Variants in ADAMTS16 observed in about 807,000 individuals in gnomAD.
ADAMTS16 encodes A disintegrin and metalloproteinase with thrombospondin motifs 16.
A neutral mutation model predicts 145.8 loss-of-function variants in ADAMTS16; 94 were observed. The ratio of observed to expected loss-of-function variants is 0.64; its 90% CI spans 0.55 to 0.77. ADAMTS16 has a LOEUF of 0.77. Among genes scored for constraint, ADAMTS16 ranks in the 30% least tolerant of loss-of-function variants. ADAMTS16 has a pLI of 0.00. For synonymous variants in ADAMTS16, 659 were observed against 604.3 expected, an observed-to-expected ratio of 1.09 and a Z score of -1.33; for missense variants, 1,585 against 1,591.5, an observed-to-expected ratio of 1.00 and a Z score of 0.07.
chr5:5,295,092 T>C (rs558128567), intron 18 of ADAMTS16, among the ~76,000 whole-genome samples: 219 of 152,380 alleles, frequency 1.4e-3, no homozygotes, highest in Middle Eastern at 6.8e-3. Flanking sequence ...CTTTTAATTA[T>C]GGCCCAAGCA....
At chr5:5,214,460 T>C (rs750867796) in intron 10 of ADAMTS16, among the ~76,000 whole-genome samples, 5 of 152,174 alleles carry the variant, frequency 3.3e-5, no homozygotes, top group Non-Finnish European at 5.9e-5. Flanking sequence ...GGTTGGAGTG[T>C]AGTAGCACCA....
chr5:5,191,153 C>T (rs1405248577), intron 7 of ADAMTS16, among the ~76,000 whole-genome samples: 2 of 152,182 alleles, frequency 1.3e-5, no homozygotes, highest in Non-Finnish European at 2.9e-5. Context: ...CCGACTTCTG[C>T]CCATGTGTTT....
At chr5:5,266,696 T>C (rs775666990) in intron 18 of ADAMTS16, among the ~76,000 whole-genome samples, 2 of 152,178 alleles carry the variant, frequency 1.3e-5, no homozygotes, top group Non-Finnish European at 2.9e-5. Context: ...AAGGGAGCTC[T>C]CCTCCTCCTG....
intron 5 of ADAMTS16, among the ~76,000 whole-genome samples, chr5:5,187,367 G>T (rs886296146): frequency 6.6e-6 from 1 of 151,972 alleles, no homozygotes. Flanking sequence ...AATCCCATAA[G>T]TGCGAGAGTT....
At chr5:5,254,671 T>A (rs541896557) in intron 17 of ADAMTS16, among the ~76,000 whole-genome samples, 2 of 152,178 alleles carry the variant, frequency 1.3e-5, no homozygotes, top group African/African-American at 2.4e-5. Context: ...TGTCCTTTAA[T>A]CCATTACATG....
intron 3 of ADAMTS16, among the ~76,000 whole-genome samples, chr5:5,176,822 C>T (rs938397152): frequency 1.3e-5 from 2 of 152,200 alleles, no homozygotes; most frequent in African/African-American, 2.4e-5. Context: ...GTGTGCCCAG[C>T]TGTGCAGAAA....
intron 12 of ADAMTS16, among the ~76,000 whole-genome samples, chr5:5,233,740 C>T (rs1252300853): frequency 6.6e-6 from 1 of 152,152 alleles, no homozygotes; most frequent in East Asian, 1.9e-4. Flanking sequence ...TCTGGTCTAA[C>T]ATTGATGGGC....
At chr5:5,199,775 C>CT (rs1415079716) in intron 8 of ADAMTS16, among the ~76,000 whole-genome samples, 7 of 152,182 alleles carry the variant, frequency 4.6e-5, no homozygotes, top group Non-Finnish European at 7.3e-5. Flanking sequence ...CATGGAAACT[C>CT]TAACGATCCT....
At chr5:5,308,632 GC>G (rs1341169455) in intron 21 of ADAMTS16, among the ~76,000 whole-genome samples, 2 of 152,116 alleles carry the variant, frequency 1.3e-5, no homozygotes, top group African/African-American at 4.8e-5. Flanking sequence ...CCCATTGTGG[GC>G]CCCGAGCCTA....
chr5:5,217,920 A>G (rs1201811706), intron 10 of ADAMTS16, among the ~76,000 whole-genome samples: 1 of 152,178 alleles, frequency 6.6e-6, no homozygotes, highest in African/African-American at 2.4e-5. Context: ...CTGAAACATA[A>G]GCCGCCAGAA....
chr5:5,240,022 A>G, intron 16 of ADAMTS16, 97 bp downstream of exon 16: 2 of 1,515,812 alleles, frequency 1.3e-6, no homozygotes, highest in East Asian at 4.5e-5. Flanking sequence ...AGAAGAATGT[A>G]AACAGTTATA....
chr5:5,246,333 T>C (rs1335518742), intron 17 of ADAMTS16, among the ~76,000 whole-genome samples: 1 of 152,226 alleles, frequency 6.6e-6, no homozygotes, highest in African/African-American at 2.4e-5. Flanking sequence ...AGCAAAAATT[T>C]CTCAGACAAA....
intron 9 of ADAMTS16, among the ~76,000 whole-genome samples, chr5:5,207,262 A>G (rs777835977): frequency 3.3e-5 from 5 of 152,104 alleles, no homozygotes; most frequent in Non-Finnish European, 7.4e-5. Flanking sequence ...CTTTGCACAT[A>G]TTTTGCTACA....
In ADAMTS16 at chr5:5,284,488, T is replaced by C. The variant is rs1456221461; in HGVS notation, c.2790-18780T>C. Among the ~76,000 whole-genome samples, 6 of 152,306 alleles carry C rather than the reference T, an allele frequency of 3.9e-5. No homozygotes were observed. The East Asian group carries it at 9.7e-4, about 25-fold the overall frequency. The stretch of plus-strand genomic sequence containing the variant: ...TGGCCTTGCCAGTCCTTCTGTGCCA[T>C]AGCTTTCTGATTCTCAAGTTTGATG... On this transcript the variant is annotated intron_variant, in intron 18 of 22. Coordinates refer to ENST00000274181, the MANE Select transcript of ADAMTS16 (RefSeq NM_139056.4).
At chr5:5,220,902 C>G (rs1278706381) in intron 10 of ADAMTS16, among the ~76,000 whole-genome samples, 2 of 152,082 alleles carry the variant, frequency 1.3e-5, no homozygotes, top group African/African-American at 4.8e-5. Context: ...TGCTTTCACC[C>G]TCATTCATTC....
intron 18 of ADAMTS16, among the ~76,000 whole-genome samples, chr5:5,279,703 G>A (rs1738826095): frequency 7.2e-6 from 1 of 139,150 alleles, no homozygotes; most frequent in African/African-American, 2.6e-5. Flanking sequence ...TATCTTCCAG[G>A]TTTTCTGCTT....
At chr5:5,171,653 C>G (rs1426055751) in intron 3 of ADAMTS16, among the ~76,000 whole-genome samples, 1 of 151,990 alleles carries the variant, frequency 6.6e-6, no homozygotes, top group African/African-American at 2.4e-5. Context: ...TCTTTTTTGT[C>G]TTGTTGAATT....
chr5:5,217,409 C>T (rs1294999691), intron 10 of ADAMTS16, among the ~76,000 whole-genome samples: 3 of 152,236 alleles, frequency 2.0e-5, no homozygotes, highest in African/African-American at 7.2e-5. Flanking sequence ...TCAGAGTGAA[C>T]AGGTCATGAA....
chr5:5,274,276 C>A (rs1164466139), intron 18 of ADAMTS16, among the ~76,000 whole-genome samples: 1 of 152,156 alleles, frequency 6.6e-6, no homozygotes, highest in Non-Finnish European at 1.5e-5. Context: ...TGGGTCTGGA[C>A]AAATGTATTC....
Sources: allele counts gnomAD v4.1 joint callset (sites outside exome capture counted in the v4.1 genomes callset), GRCh38; gene constraint gnomAD v4.1.1; transcripts MANE v1.5; gene names NCBI Gene and HGNC (gene_info 2026-07-23, HGNC 2026-07-21).